GSE1: variants seen among roughly 807,000 people sequenced by gnomAD.
GSE1 encodes genetic suppressor element 1.
A neutral mutation model predicts 112.6 loss-of-function variants in GSE1; 32 were observed. The ratio of observed to expected loss-of-function variants is 0.28; its 90% CI spans 0.21 to 0.38. GSE1 has a LOEUF of 0.38. Ranked by LOEUF, GSE1 falls within the 10% of genes least tolerant of loss-of-function variation. GSE1 has a pLI of 1.00. For missense variants in GSE1, 2,348 were observed against 1,699.2 expected (o/e 1.38, Z -6.71); for synonymous variants, 1,115 against 735.6 (o/e 1.52, Z -8.35).
chr16:85,558,837 G>A (rs1233193563), intron 1 of GSE1, among the ~76,000 whole-genome samples: 1 of 152,184 alleles, frequency 6.6e-6, no homozygotes, highest in Non-Finnish European at 1.5e-5. Flanking sequence ...CGCATTGAGA[G>A]TGATGGAAAC....
intron 1 of GSE1, among the ~76,000 whole-genome samples, chr16:85,603,505 T>G (rs2047557082): frequency 6.6e-6 from 1 of 152,124 alleles, no homozygotes; most frequent in Admixed American, 6.5e-5. Context: ...GATTGGATTT[T>G]TTTGTTTTGT....
intron 12 of GSE1, 142 bp downstream of exon 12, chr16:85,665,270 G>A (rs772888938): frequency 7.0e-5 from 43 of 613,230 alleles, no homozygotes; most frequent in Middle Eastern, 4.3e-4. Flanking sequence ...ACCAGCGTAC[G>A]ATTCTTGCAC....
At chr16:85,279,645 G>C (rs567009136) in intron 1 of GSE1, among the ~76,000 whole-genome samples, 1 of 152,126 alleles carries the variant, frequency 6.6e-6, no homozygotes, top group Non-Finnish European at 1.5e-5. Flanking sequence ...CAGTGATGTA[G>C]CTCTGTGGGT....
chr16:85,651,224 T>G (rs2151893965), intron 3 of GSE1, among the ~76,000 whole-genome samples: 1 of 151,642 alleles, frequency 6.6e-6, no homozygotes. Context: ...TCGGGGTGCC[T>G]TTGGGGTAGC....
At chr16:85,458,615 G>A (rs778382817) in intron 2 of GSE1, among the ~76,000 whole-genome samples, 1 of 152,194 alleles carries the variant, frequency 6.6e-6, no homozygotes, top group Non-Finnish European at 1.5e-5. Flanking sequence ...TCCACATTGC[G>A]GGTGGCTATC....
Position 85,648,610 on chromosome 16 carries a change from C to T in GSE1, c.285C>T (p.Ser95=), listed in dbSNP as rs770603470. 6.2e-7 allele frequency: 1 copy of T among 1,606,684 alleles called. No homozygotes were observed. The highest frequency in any genetic ancestry group is 1.7e-5 in the Admixed American group (1 of 59,296). ...PVSSPATNHS[S]PASTPKRVPM... is the part of the protein sequence containing the mutation. ...CCTCTCCGGCCACCAACCACAGCTCCCCCGCCAGCACACCCAAGCGCGTGC... is the reference window on the plus strand; with the variant it reads ...CCTCTCCGGCCACCAACCACAGCTCTCCCGCCAGCACACCCAAGCGCGTGC... Residue 95 remains serine (S), a synonymous_variant, in exon 3 of 16, where the codon TCC becomes TCT. Coordinates refer to ENST00000253458, the MANE Select transcript of GSE1 (RefSeq NM_014615.5).
Position 85,246,235 on chromosome 16 carries a change from ACACG to A in GSE1, c.2283+74432_2283+74435del, listed in dbSNP as rs1477295029. On this transcript the variant is annotated intron_variant, in intron 1 of 2. Coordinates refer to the GSE1 transcript ENST00000637419. ...CACACACACACACACACACACACAC[ACACG>A]CACACCACACGCTGTCTACACACAC... Among the ~76,000 whole-genome samples the A allele has an allele frequency of 3.1e-4, 40 of 128,950 alleles. 1 individual carries two copies. Among genetic ancestry groups the A allele is most frequent in the African/African-American group, 1.0e-3 (35 of 34,248 alleles). 84.6% of individuals were successfully genotyped at this position (128,950 alleles called of 152,430 possible).
intron 1 of GSE1, among the ~76,000 whole-genome samples, chr16:85,342,820 C>G (rs888793062): frequency 4.6e-5 from 7 of 151,772 alleles, no homozygotes; most frequent in African/African-American, 1.7e-4. Context: ...AGGTGCCTAG[C>G]AAATGGGGCA....
chr16:85,650,396 G>GA (rs910321157), intron 3 of GSE1, among the ~76,000 whole-genome samples: 4 of 152,160 alleles, frequency 2.6e-5, no homozygotes, highest in African/African-American at 9.7e-5. Flanking sequence ...CAGCTCATGG[G>GA]AGGCCACTTC....
At chr16:85,289,986 C>T (rs938766584) in intron 1 of GSE1, among the ~76,000 whole-genome samples, 5 of 152,172 alleles carry the variant, frequency 3.3e-5, no homozygotes, top group Admixed American at 1.3e-4. Flanking sequence ...CGTGTCCTTG[C>T]GGGTGATGGG....
chr16:85,253,870 G>A (rs970573979), intron 1 of GSE1, among the ~76,000 whole-genome samples: 8 of 152,080 alleles, frequency 5.3e-5, no homozygotes, highest in South Asian at 2.1e-4. Flanking sequence ...CTGTGGGCTC[G>A]GAGGCTGCTC....
intron 1 of GSE1, among the ~76,000 whole-genome samples, chr16:85,352,362 G>A (rs373549722): frequency 9.2e-5 from 14 of 152,266 alleles, no homozygotes; most frequent in Admixed American, 5.9e-4. Context: ...TGGTGGCTGC[G>A]GTCCAGGGAA....
intron 1 of GSE1, among the ~76,000 whole-genome samples, chr16:85,183,432 G>A (rs373495729): frequency 1.4e-3 from 209 of 152,270 alleles, no homozygotes; most frequent in African/African-American, 4.9e-3. Context: ...GGCTGGGGAG[G>A]AAAGGTACAG....
chr16:85,242,743 G>T (rs1294223081), intron 1 of GSE1, among the ~76,000 whole-genome samples: 4 of 152,188 alleles, frequency 2.6e-5, no homozygotes, highest in African/African-American at 9.6e-5. Context: ...TTGGCTTGGG[G>T]TGGAGCCTGG....
chr16:85,263,832 C>T (rs1907960007), intron 1 of GSE1, among the ~76,000 whole-genome samples: 1 of 152,208 alleles, frequency 6.6e-6, no homozygotes, highest in African/African-American at 2.4e-5. Flanking sequence ...CTCGGCCTCC[C>T]AAAGTGCTGG....
chr16:85,465,363 A>G (rs1383708110), intron 2 of GSE1, among the ~76,000 whole-genome samples: 1 of 152,150 alleles, frequency 6.6e-6, no homozygotes, highest in Non-Finnish European at 1.5e-5. Flanking sequence ...TAGAACCATG[A>G]ACAGCGCCAG....
intron 2 of GSE1, among the ~76,000 whole-genome samples, chr16:85,481,300 C>T (rs940970515): frequency 1.1e-4 from 16 of 152,204 alleles, no homozygotes; most frequent in African/African-American, 3.9e-4. Flanking sequence ...CCATGTAAAG[C>T]GCATAGCACA....
intron 1 of GSE1, among the ~76,000 whole-genome samples, chr16:85,300,513 C>T (rs545998390): frequency 6.6e-6 from 1 of 152,198 alleles, no homozygotes; most frequent in Admixed American, 6.6e-5. Context: ...GCTGCCTGTC[C>T]GGACATTTCA....
chr16:85,650,842 G>T (rs117693973), intron 3 of GSE1, among the ~76,000 whole-genome samples: 2,487 of 151,446 alleles, frequency 0.016, 26 homozygotes, highest in Non-Finnish European at 0.025. Context: ...GGCTGCGGAC[G>T]TGGGTGGCAG....
Sources: allele counts gnomAD v4.1 joint callset (sites outside exome capture counted in the v4.1 genomes callset), GRCh38; gene constraint gnomAD v4.1.1; transcripts MANE v1.5; gene names NCBI Gene and HGNC (gene_info 2026-07-23, HGNC 2026-07-21).